Variants in ADAMTS16 observed in about 807,000 individuals in gnomAD.
ADAMTS16 encodes the protein A disintegrin and metalloproteinase with thrombospondin motifs 16.
Under a neutral mutation model 145.8 loss-of-function variants are expected in ADAMTS16, and 94 were observed. That is an observed-to-expected ratio of 0.64 (90% CI 0.55 to 0.77). ADAMTS16 has a LOEUF of 0.77. ADAMTS16 is among the 30% of genes least tolerant of loss of function. ADAMTS16 has a pLI of 0.00. For missense variants in ADAMTS16, 1,585 were observed against 1,591.5 expected (o/e 1.00, Z 0.07); for synonymous variants, 659 against 604.3 (o/e 1.09, Z -1.33).
At chr5:5,263,814 C>T (rs1738128231) in intron 18 of ADAMTS16, among the ~76,000 whole-genome samples, 1 of 152,210 alleles carries the variant, frequency 6.6e-6, no homozygotes, top group African/African-American at 2.4e-5. Context: ...GGGGCAGCTG[C>T]CCTCCACCAG....
At chr5:5,288,183 C>G (rs142252509) in intron 18 of ADAMTS16, among the ~76,000 whole-genome samples, 1 of 152,180 alleles carries the variant, frequency 6.6e-6, no homozygotes, top group South Asian at 2.1e-4. Flanking sequence ...CCCAAGAAAA[C>G]GAAGAGCCGA....
intron 17 of ADAMTS16, among the ~76,000 whole-genome samples, chr5:5,243,572 C>T (rs1020737944): frequency 6.6e-6 from 1 of 152,172 alleles, no homozygotes; most frequent in Non-Finnish European, 1.5e-5. Context: ...TTACCTCTCC[C>T]TATTTAGGAT....
chr5:5,246,663 G>T (rs767679972), intron 17 of ADAMTS16, among the ~76,000 whole-genome samples: 1 of 152,132 alleles, frequency 6.6e-6, no homozygotes, highest in Non-Finnish European at 1.5e-5. Context: ...TGCCAAAGTC[G>T]GTGTTGCTTT....
chr5:5,235,223 C>T (rs756471433), intron 13 of ADAMTS16, 37 bp downstream of exon 13: 2 of 1,464,510 alleles, frequency 1.4e-6, no homozygotes, highest in African/African-American at 1.4e-5. Context: ...TAGCCTCATG[C>T]TTTACTACCT....
intron 6 of ADAMTS16, among the ~76,000 whole-genome samples, chr5:5,188,723 C>A (rs868362844): frequency 6.6e-6 from 1 of 152,126 alleles, no homozygotes; most frequent in African/African-American, 2.4e-5. Context: ...TTCTGGGATG[C>A]TGCTCTTTTT....
intron 3 of ADAMTS16, among the ~76,000 whole-genome samples, chr5:5,172,078 T>G (rs1405220757): frequency 6.6e-6 from 1 of 152,136 alleles, no homozygotes; most frequent in Admixed American, 6.5e-5. Flanking sequence ...CCTCTAATCA[T>G]CCTTTGTATG....
intron 3 of ADAMTS16, among the ~76,000 whole-genome samples, chr5:5,175,189 T>C (rs888772972): frequency 2.0e-5 from 3 of 152,192 alleles, no homozygotes; most frequent in Non-Finnish European, 4.4e-5. Flanking sequence ...CTGCTGATTA[T>C]TCCAGGCCCC....
At position 5,303,648 on chromosome 5, in the gene ADAMTS16, AGCTGCTGCCC is replaced by A; in HGVS notation, c.3070_3079del (p.Leu1024ThrfsTer39). 1 of 1,614,036 alleles carries A rather than the reference AGCTGCTGCCC, an allele frequency of 6.2e-7. No individual in the cohort carries two copies. Among genetic ancestry groups the A allele is most frequent in the Non-Finnish European group, 8.5e-7 (1 of 1,180,022 alleles). On this transcript the variant is annotated frameshift_variant, in exon 20 of 23. Transcript: ENST00000274181. LOFTEE classifies it high-confidence loss of function. ...AGCACCAACCCCTCGGCCAGAGCGCAGCTGCTGCCCGACGCTGTCTGCACCTCCGAGCCCA... is the reference window on the plus strand; with the variant it reads ...AGCACCAACCCCTCGGCCAGAGCGCAGACGCTGTCTGCACCTCCGAGCCCA...
chr5:5,217,539 C>T (rs952440308), intron 10 of ADAMTS16, among the ~76,000 whole-genome samples: 1 of 152,082 alleles, frequency 6.6e-6, no homozygotes, highest in Admixed American at 6.5e-5. Flanking sequence ...GTAGTACAGA[C>T]AATTTGAGGA....
chr5:5,175,290 A>G (rs974633059), intron 3 of ADAMTS16, among the ~76,000 whole-genome samples: 1 of 152,158 alleles, frequency 6.6e-6, no homozygotes, highest in African/African-American at 2.4e-5. Context: ...GTGTGTGTCT[A>G]GAAATGTCAT....
intron 3 of ADAMTS16, among the ~76,000 whole-genome samples, chr5:5,177,114 A>T (rs963654181): frequency 3.9e-5 from 6 of 152,232 alleles, no homozygotes; most frequent in African/African-American, 1.4e-4. Flanking sequence ...TTTTACAAAT[A>T]TGTGCTGATA....
At chr5:5,308,285 G>A (rs1008319271) in intron 21 of ADAMTS16, among the ~76,000 whole-genome samples, 16 of 152,178 alleles carry the variant, frequency 1.1e-4, no homozygotes, top group Non-Finnish European at 2.2e-4. Flanking sequence ...AGTGATCAGC[G>A]TGGTGTCTGG....
intron 10 of ADAMTS16, 46 bp downstream of exon 10, chr5:5,209,292 CTG>C: frequency 1.9e-6 from 3 of 1,600,358 alleles, no homozygotes; most frequent in Non-Finnish European, 2.6e-6. Context: ...ATTCATAAGA[CTG>C]TTTTATTTAG....
At chr5:5,265,585 C>T (rs2126439207) in intron 18 of ADAMTS16, among the ~76,000 whole-genome samples, 1 of 152,268 alleles carries the variant, frequency 6.6e-6, no homozygotes, top group East Asian at 1.9e-4. Flanking sequence ...CTGGGGTTAT[C>T]TTAGGGATGT....
At chr5:5,280,170 T>C (rs1187278178) in intron 18 of ADAMTS16, among the ~76,000 whole-genome samples, 1 of 152,186 alleles carries the variant, frequency 6.6e-6, no homozygotes, top group Non-Finnish European at 1.5e-5. Flanking sequence ...TCCTGAATCC[T>C]GAATCCAGGC....
intron 18 of ADAMTS16, among the ~76,000 whole-genome samples, chr5:5,273,370 A>G (rs1051870796): frequency 6.6e-6 from 1 of 152,196 alleles, no homozygotes; most frequent in East Asian, 1.9e-4. Context: ...AAAAATACAA[A>G]AAACTTAGCT....
chr5:5,167,051 G>A (rs779193239), intron 3 of ADAMTS16, among the ~76,000 whole-genome samples: 7 of 152,154 alleles, frequency 4.6e-5, no homozygotes, highest in Non-Finnish European at 8.8e-5. Flanking sequence ...TCTGACATCT[G>A]TTTTCATCCA....
At chr5:5,244,199 C>A (rs1477261770) in intron 17 of ADAMTS16, among the ~76,000 whole-genome samples, 1 of 152,190 alleles carries the variant, frequency 6.6e-6, no homozygotes, top group Non-Finnish European at 1.5e-5. Context: ...AAGGGGAACA[C>A]TTGCAAATGG....
chr5:5,140,637 C>T, intron 1 of ADAMTS16, 27 bp from the exon 2 acceptor site: 1 of 1,534,272 alleles, frequency 6.5e-7, no homozygotes, highest in Non-Finnish European at 8.7e-7. Context: ...CGCCGTCTCA[C>T]CGCGATGTCG....
Sources: allele counts gnomAD v4.1 joint callset (sites outside exome capture counted in the v4.1 genomes callset), GRCh38; gene constraint gnomAD v4.1.1; transcripts MANE v1.5; gene names NCBI Gene and HGNC (gene_info 2026-07-23, HGNC 2026-07-21).